The following C9orf153 variants were observed in gnomAD, a reference collection of about 807,000 sequenced individuals.
C9orf153 encodes the protein uncharacterized protein C9orf153.
Under a neutral mutation model 9.0 loss-of-function variants are expected in C9orf153, and 10 were observed. The ratio of observed to expected loss-of-function variants is 1.11; its 90% CI spans 0.69 to 1.89. The LOEUF (loss-of-function observed/expected upper bound fraction) is 1.89. C9orf153 is among the 40% of genes most tolerant of loss of function. C9orf153 has a pLI of 0.00. For synonymous variants in C9orf153, 35 were observed against 37.3 expected (o/e 0.94, Z 0.23); for missense variants, 108 against 111.0 (o/e 0.97, Z 0.12).
intron 3 of C9orf153, 33 bp downstream of exon 3, chr9:86,227,822 G>C: frequency 6.3e-7 from 1 of 1,586,680 alleles, no homozygotes; most frequent in Non-Finnish European, 8.6e-7. Flanking sequence ...CTCAATCATG[G>C]ATGCTTGCTT....
rs1475549316 is a variant in C9orf153, at chr9:86,221,276, C to T, written c.*412G>A. 1 of 158,126 alleles carries T rather than the reference C, an allele frequency of 6.3e-6. No individual in the cohort carries two copies. The highest frequency in any genetic ancestry group is 1.8e-4 in the East Asian group (1 of 5,494). 9.8% of individuals were successfully genotyped at this position (158,126 alleles called of 1,614,324 possible). On this transcript the variant is annotated 3_prime_UTR_variant, in exon 4 of 4. Transcript: ENST00000339137. ...TCATATGACCTATATTTGCTTTAGC[C>T]CTGGTCCAAATGGGTTGCACCGTCC... is the stretch of plus-strand genomic sequence containing the variant.
At chr9:86,237,891 C>T (rs1824633825) in intron 1 of C9orf153, among the ~76,000 whole-genome samples, 1 of 152,054 alleles carries the variant, frequency 6.6e-6, no homozygotes, top group African/African-American at 2.4e-5. Context: ...TCAGCCTGGC[C>T]AACATGGCGA....
chr9:86,234,910 C>T (rs1824547344), intron 1 of C9orf153, among the ~76,000 whole-genome samples: 1 of 152,182 alleles, frequency 6.6e-6, no homozygotes. Flanking sequence ...GTGGCTTCTC[C>T]TCTGGCATGC....
chr9:86,229,692 G>T (rs1587798299), intron 1 of C9orf153, 63 bp from the exon 2 acceptor site: 1 of 935,042 alleles, frequency 1.1e-6, no homozygotes. Context: ...GAATACAAAG[G>T]GGGAGGTGAG....
chr9:86,243,710 C>T (rs1295973641), intron 1 of C9orf153, among the ~76,000 whole-genome samples: 1 of 152,190 alleles, frequency 6.6e-6, no homozygotes, highest in African/African-American at 2.4e-5. Context: ...TGCAGGCTTC[C>T]AGCACCATCT....
chr9:86,234,596 A>G (rs753999153), intron 1 of C9orf153, among the ~76,000 whole-genome samples: 8 of 152,240 alleles, frequency 5.3e-5, no homozygotes, highest in Non-Finnish European at 8.8e-5. Context: ...TGAGAGCTGA[A>G]ACTATAAAAC....
At chr9:86,248,983 C>A (rs894788406) in intron 1 of C9orf153, among the ~76,000 whole-genome samples, 2 of 152,216 alleles carry the variant, frequency 1.3e-5, no homozygotes, top group Non-Finnish European at 2.9e-5. Flanking sequence ...TGCCAGCTTC[C>A]AAAATGTTAT....
chr9:86,229,676 C>T (rs1824423645), intron 1 of C9orf153, 47 bp from the exon 2 acceptor site: 1 of 1,144,350 alleles, frequency 8.7e-7, no homozygotes, highest in South Asian at 1.3e-5. Flanking sequence ...GATTAAAAAT[C>T]AGATAGAATA....
chr9:86,228,029 AGCTGTG>A lies in C9orf153; in HGVS notation c.67-5_67del, dbSNP rs1563997613. The A allele has an allele frequency of 1.9e-6, 3 of 1,586,708 alleles. No homozygotes were observed. The highest frequency in any genetic ancestry group is 1.8e-5 in the Admixed American group (1 of 54,728). On this transcript the variant is annotated splice_acceptor_variant and splice_polypyrimidine_tract_variant and coding_sequence_variant and intron_variant, in exon 3 of 4. Transcript: ENST00000339137. LOFTEE classifies it high-confidence loss of function. ...CTCAATACATGCATATAATTCTGGA[AGCTGTG>A]GACAAAAAAAAAAGTGGTAAGTCAC...
At chr9:86,227,740 C>A (rs1382157305) in intron 3 of C9orf153, 115 bp downstream of exon 3, 1 of 1,440,212 alleles carries the variant, frequency 6.9e-7, no homozygotes. Flanking sequence ...CACACTGTGA[C>A]AGCCTCTGCT....
intron 1 of C9orf153, among the ~76,000 whole-genome samples, chr9:86,256,933 G>A (rs1825133535): frequency 6.6e-6 from 1 of 152,144 alleles, no homozygotes; most frequent in Non-Finnish European, 1.5e-5. Flanking sequence ...GCTGAGGTGA[G>A]AGATCACTTG....
At chr9:86,240,712 T>TC (rs201053785) in intron 1 of C9orf153, among the ~76,000 whole-genome samples, 1,210 of 73,562 alleles carry the variant, frequency 0.016, 14 homozygotes, top group African/African-American at 0.16. Flanking sequence ...TTTTTCTTTT[T>TC]TTTTTTTTTT....
At chr9:86,228,452 T>C (rs1455418135) in intron 2 of C9orf153, among the ~76,000 whole-genome samples, 3 of 152,170 alleles carry the variant, frequency 2.0e-5, no homozygotes, top group Non-Finnish European at 2.9e-5. Flanking sequence ...ATCACTTAGA[T>C]ATCAGAGCTT....
intron 1 of C9orf153, chr9:86,258,746 T>C (rs1825181456): frequency 6.6e-6 from 1 of 152,188 alleles, no homozygotes; most frequent in African/African-American, 2.4e-5. Context: ...TTAAAAATAT[T>C]AATATACTTA....
chr9:86,253,231 G>C (rs766670785), intron 1 of C9orf153, among the ~76,000 whole-genome samples: 2 of 152,216 alleles, frequency 1.3e-5, no homozygotes, highest in African/African-American at 4.8e-5. Flanking sequence ...TTTTGGATAT[G>C]AGCAGACTGC....
Position 86,221,670 on chromosome 9 carries a change from C to T in C9orf153, c.*18G>A, listed in dbSNP as rs557332332. 55 of 1,549,172 alleles carry T rather than the reference C, an allele frequency of 3.6e-5. No individual in the cohort carries two copies. In the South Asian group the frequency reaches 5.8e-4, roughly 16 times the overall value. ...TCCGAATGAAATTGCAGTAGTGCGCCTCCACTTCGCAAGCCCCTTAAAATA... is the reference window on the plus strand; with the variant it reads ...TCCGAATGAAATTGCAGTAGTGCGCTTCCACTTCGCAAGCCCCTTAAAATA... On this transcript the variant is annotated 3_prime_UTR_variant, in exon 4 of 4. Coordinates refer to ENST00000339137, the MANE Select transcript of C9orf153 (RefSeq NM_001276366.4).
At chr9:86,246,843 T>C (rs1388784223) in intron 1 of C9orf153, among the ~76,000 whole-genome samples, 1 of 152,182 alleles carries the variant, frequency 6.6e-6, no homozygotes, top group Non-Finnish European at 1.5e-5. Context: ...TTATTCTCTA[T>C]AGTTTTGCTA....
intron 3 of C9orf153, among the ~76,000 whole-genome samples, chr9:86,223,627 GATT>G (rs1176339953): frequency 6.6e-6 from 1 of 152,172 alleles, no homozygotes; most frequent in Non-Finnish European, 1.5e-5. Flanking sequence ...AAGGGGTGAT[GATT>G]GGACACAATT....
Position 86,227,956 on chromosome 9 carries a change from AC to A in C9orf153, c.140del (p.Gly47ValfsTer15), listed in dbSNP as rs1563997538. On this transcript the variant is annotated frameshift_variant, in exon 3 of 4. Coordinates refer to ENST00000339137, the MANE Select transcript of C9orf153 (RefSeq NM_001276366.4). LOFTEE classifies it high-confidence loss of function. ...SKKSNLLKMH[G>X]ISLNEAQEVL... ...CTTCCTGTGCTTCGTTAAGTGAAATACCATGCATTTTTAGAAGATTTGATTT... is the reference window on the plus strand; with the variant it reads ...CTTCCTGTGCTTCGTTAAGTGAAATACATGCATTTTTAGAAGATTTGATTT... 1 of 1,613,764 alleles carries A rather than the reference AC, an allele frequency of 6.2e-7. No individual in the cohort carries two copies. Among genetic ancestry groups the A allele is most frequent in the African/African-American group, 1.3e-5 (1 of 75,036 alleles).
Sources: allele counts gnomAD v4.1 joint callset (sites outside exome capture counted in the v4.1 genomes callset), GRCh38; gene constraint gnomAD v4.1.1; transcripts MANE v1.5; gene names NCBI Gene and HGNC (gene_info 2026-07-23, HGNC 2026-07-21).